The following GRM7 variants were observed in gnomAD, a reference collection of about 807,000 sequenced individuals.
GRM7 encodes metabotropic glutamate receptor 7.
Under a neutral mutation model 84.5 loss-of-function variants are expected in GRM7, and 35 were observed. The observed-to-expected ratio is 0.41, with a 90% CI of 0.32 to 0.55. The LOEUF is 0.55. GRM7 is among the 20% of genes least tolerant of loss of function. The probability of loss-of-function intolerance (pLI) is 0.19; values close to 1 mark genes in which losing one functional copy is unlikely to be tolerated. For synonymous variants in GRM7, 487 were observed against 455.1 expected (o/e 1.07, Z -0.89); for missense variants, 1,003 against 1,194.6 (o/e 0.84, Z 2.36).
intron 2 of GRM7, among the ~76,000 whole-genome samples, chr3:7,190,029 C>T (rs1695657481): frequency 6.6e-6 from 1 of 152,090 alleles, no homozygotes; most frequent in African/African-American, 2.4e-5. Context: ...ACACAACTTT[C>T]ATGATAAGCA....
At chr3:7,699,405 G>A (rs1270382919) in intron 9 of GRM7, among the ~76,000 whole-genome samples, 2 of 152,034 alleles carry the variant, frequency 1.3e-5, no homozygotes, top group East Asian at 1.9e-4. Flanking sequence ...TTCAAACCAG[G>A]GGATATGTAT....
intron 1 of GRM7, among the ~76,000 whole-genome samples, chr3:6,897,826 A>T (rs1696240115): frequency 6.6e-6 from 1 of 152,222 alleles, no homozygotes; most frequent in Admixed American, 6.5e-5. Context: ...GTGTAGCATT[A>T]GTGGGTCAGC....
At chr3:7,516,160 ATC>A (rs1559373550) in intron 7 of GRM7, among the ~76,000 whole-genome samples, 11 of 91,770 alleles carry the variant, frequency 1.2e-4, no homozygotes, top group Non-Finnish European at 2.3e-4. Context: ...TTGACACCAT[ATC>A]TCAAAAAAAA....
intron 7 of GRM7, among the ~76,000 whole-genome samples, chr3:7,476,999 T>C (rs193106012): frequency 3.9e-5 from 6 of 152,332 alleles, no homozygotes; most frequent in Non-Finnish European, 7.3e-5. Flanking sequence ...GTCAACATTA[T>C]TTTTTAACCA....
intron 8 of GRM7, chr3:7,608,072 T>A: frequency 2.7e-6 from 1 of 368,676 alleles, no homozygotes; most frequent in East Asian, 9.5e-5. Context: ...TCATGCTTTT[T>A]TATGGCTGTA....
At chr3:7,109,340 C>A (rs13318569) in intron 1 of GRM7, among the ~76,000 whole-genome samples, 20,756 of 152,084 alleles carry the variant, frequency 0.14, 1,504 homozygotes, top group Middle Eastern at 0.22. Context: ...TTAATTCTTA[C>A]AGGTTATTTT....
intron 7 of GRM7, among the ~76,000 whole-genome samples, chr3:7,548,480 T>C (rs570904543): frequency 6.6e-6 from 1 of 152,226 alleles, no homozygotes; most frequent in South Asian, 2.1e-4. Flanking sequence ...TGTTTCTCTA[T>C]AGCAACACAA....
At chr3:7,023,334 A>T (rs573390319) in intron 1 of GRM7, among the ~76,000 whole-genome samples, 1 of 152,232 alleles carries the variant, frequency 6.6e-6, no homozygotes, top group South Asian at 2.1e-4. Flanking sequence ...GTCCCTCCTG[A>T]TGCTTCTGGA....
chr3:7,570,761 G>T (rs890567864), intron 7 of GRM7, among the ~76,000 whole-genome samples: 4 of 152,322 alleles, frequency 2.6e-5, no homozygotes, highest in South Asian at 2.1e-4. Context: ...TAGGGACTCT[G>T]TTTGGGGGCT....
At chr3:7,601,327 A>G (rs906195490) in intron 8 of GRM7, among the ~76,000 whole-genome samples, 27 of 152,074 alleles carry the variant, frequency 1.8e-4, no homozygotes, top group Admixed American at 1.8e-3. Context: ...CCACATTTCC[A>G]AAGAGGTCTT....
At chr3:6,944,332 T>C (rs554646317) in intron 1 of GRM7, among the ~76,000 whole-genome samples, 32 of 152,158 alleles carry the variant, frequency 2.1e-4, no homozygotes, top group Non-Finnish European at 4.4e-4. Flanking sequence ...ATACCCTTTA[T>C]GAGGTTGAGG....
chr3:7,248,357 G>A (rs1605705), intron 2 of GRM7, among the ~76,000 whole-genome samples: 136,837 of 152,176 alleles, frequency 0.9, 61,778 homozygotes, highest in East Asian at 0.98. Flanking sequence ...AAAGGAAGCC[G>A]AATGCAAAAG....
At chr3:7,409,489 G>A (rs1438787305) in intron 4 of GRM7, among the ~76,000 whole-genome samples, 1 of 152,118 alleles carries the variant, frequency 6.6e-6, no homozygotes, top group Non-Finnish European at 1.5e-5. Flanking sequence ...GTGTCTCTAA[G>A]TGGTTATTGT....
intron 1 of GRM7, among the ~76,000 whole-genome samples, chr3:7,050,245 G>T (rs562387596): frequency 2.6e-5 from 4 of 151,988 alleles, no homozygotes; most frequent in African/African-American, 9.6e-5. Flanking sequence ...TAGAAGACTT[G>T]TTTTAATGGA....
intron 8 of GRM7, among the ~76,000 whole-genome samples, chr3:7,642,155 G>A (rs1698393386): frequency 6.6e-6 from 1 of 152,080 alleles, no homozygotes; most frequent in South Asian, 2.1e-4. Flanking sequence ...AATTACCTGA[G>A]AGTCTTCGTA....
chr3:7,008,709 T>G (rs917980635), intron 1 of GRM7, among the ~76,000 whole-genome samples: 2 of 152,226 alleles, frequency 1.3e-5, no homozygotes, highest in African/African-American at 4.8e-5. Context: ...TACCTCATTT[T>G]GGGGCCAGAA....
intron 1 of GRM7, among the ~76,000 whole-genome samples, chr3:6,920,137 C>T (rs1335533557): frequency 6.6e-6 from 1 of 152,142 alleles, no homozygotes; most frequent in Non-Finnish European, 1.5e-5. Context: ...GCATAATTTT[C>T]TCATTTATTT....
At chr3:7,223,063 T>C (rs111607655) in intron 2 of GRM7, among the ~76,000 whole-genome samples, 44 of 152,314 alleles carry the variant, frequency 2.9e-4, no homozygotes, top group African/African-American at 8.7e-4. Flanking sequence ...GTTTCATATT[T>C]AGATACTTGT....
chr3:7,090,234 C>A (rs1292156174), intron 1 of GRM7, among the ~76,000 whole-genome samples: 1 of 151,990 alleles, frequency 6.6e-6, no homozygotes, highest in African/African-American at 2.4e-5. Flanking sequence ...AATTTGAGAA[C>A]AGTGATGTGA....
Sources: gnomAD v4.1 joint callset for allele counts (sites outside exome capture counted in the v4.1 genomes callset) on GRCh38, gnomAD v4.1.1 for gene constraint, MANE v1.5 for transcripts, NCBI Gene and HGNC (gene_info 2026-07-23, HGNC 2026-07-21) for gene names.